Variants in EMCN observed in about 807,000 individuals in gnomAD.
EMCN encodes endomucin.
A neutral mutation model predicts 38.4 loss-of-function variants in EMCN; 37 were observed. The observed-to-expected ratio is 0.96, with a 90% confidence interval of 0.74 to 1.27. The LOEUF (loss-of-function observed/expected upper bound fraction) is 1.27. Ranked by LOEUF, EMCN falls within the 50% of genes most tolerant of loss-of-function variation. The pLI, the probability that EMCN is intolerant of heterozygous loss-of-function variation, is 0.00. For missense variants in EMCN, 318 were observed against 302.8 expected, an observed-to-expected ratio of 1.05 and a Z score of -0.37; for synonymous variants, 95 against 100.8, an observed-to-expected ratio of 0.94 and a Z score of 0.35.
chr4:100,435,408 C>T (rs938592967), intron 5 of EMCN, among the ~76,000 whole-genome samples: 10 of 152,166 alleles, frequency 6.6e-5, no homozygotes, highest in Non-Finnish European at 1.5e-4. Context: ...ATTCCATGCT[C>T]ATGGATAGGA....
intron 1 of EMCN, among the ~76,000 whole-genome samples, chr4:100,504,768 C>G (rs981635456): frequency 6.6e-6 from 1 of 152,212 alleles, no homozygotes; most frequent in African/African-American, 2.4e-5. Flanking sequence ...CGCTACTTAG[C>G]AGACTGAGAA....
chr4:100,495,683 G>T (rs1388684119), intron 1 of EMCN, among the ~76,000 whole-genome samples: 2 of 151,978 alleles, frequency 1.3e-5, no homozygotes, highest in African/African-American at 4.8e-5. Flanking sequence ...GAGATATGGT[G>T]CTTTGTATAA....
intron 5 of EMCN, among the ~76,000 whole-genome samples, chr4:100,438,368 A>G (rs1009338417): frequency 2.0e-5 from 3 of 152,086 alleles, no homozygotes; most frequent in Admixed American, 1.3e-4. Context: ...TTTTTATGGT[A>G]CCATAAATGA....
intron 1 of EMCN, among the ~76,000 whole-genome samples, chr4:100,490,405 C>T (rs979247120): frequency 6.6e-6 from 1 of 151,942 alleles, no homozygotes; most frequent in Non-Finnish European, 1.5e-5. Flanking sequence ...TGGTATAGCC[C>T]AAGTATACAG....
chr4:100,504,058 C>T (rs1053186547), intron 1 of EMCN, among the ~76,000 whole-genome samples: 20 of 152,080 alleles, frequency 1.3e-4, no homozygotes, highest in African/African-American at 3.4e-4. Context: ...TATTCCATGA[C>T]GTAAACAAAA....
At chr4:100,504,052 C>G (rs1049421381) in intron 1 of EMCN, among the ~76,000 whole-genome samples, 1 of 152,110 alleles carries the variant, frequency 6.6e-6, no homozygotes, top group Non-Finnish European at 1.5e-5. Flanking sequence ...TTTACCTATT[C>G]CATGACGTAA....
intron 4 of EMCN, among the ~76,000 whole-genome samples, chr4:100,451,303 G>A (rs1199882587): frequency 6.6e-6 from 1 of 151,816 alleles, no homozygotes; most frequent in Non-Finnish European, 1.5e-5. Context: ...CACTCATGAA[G>A]TTGTGGGAAA....
intron 9 of EMCN, 123 bp from the exon 10 acceptor site, chr4:100,416,082 A>G (rs991574070): frequency 1.5e-5 from 8 of 544,518 alleles, no homozygotes; most frequent in Non-Finnish European, 2.6e-5. Context: ...ATGTGTGTGT[A>G]TATATATACG....
intron 4 of EMCN, among the ~76,000 whole-genome samples, chr4:100,454,149 T>C (rs939013022): frequency 1.3e-5 from 2 of 150,286 alleles, no homozygotes; most frequent in Admixed American, 1.3e-4. Context: ...GTTGTGCACA[T>C]GTACCCTAAA....
At chr4:100,471,192 C>A (rs1384263487) in intron 3 of EMCN, among the ~76,000 whole-genome samples, 1 of 151,712 alleles carries the variant, frequency 6.6e-6, no homozygotes, top group Non-Finnish European at 1.5e-5. Context: ...AATTGAGACA[C>A]TTTTGGCTAT....
intron 4 of EMCN, among the ~76,000 whole-genome samples, chr4:100,448,729 C>T (rs1339869027): frequency 2.6e-5 from 4 of 152,260 alleles, no homozygotes; most frequent in Admixed American, 6.5e-5. Context: ...GACCCTGTTT[C>T]GTTGTACTCC....
chr4:100,476,445 G>A (rs955513653), intron 2 of EMCN, among the ~76,000 whole-genome samples: 5 of 152,034 alleles, frequency 3.3e-5, no homozygotes, highest in Middle Eastern at 3.4e-3. Context: ...CGCAGCACCC[G>A]GCCCCTCTTC....
At chr4:100,409,395 C>G (rs78838363) in intron 11 of EMCN, among the ~76,000 whole-genome samples, 4,065 of 152,184 alleles carry the variant, frequency 0.027, 192 homozygotes, top group African/African-American at 0.091. Context: ...CAATCCCATA[C>G]CAACTGGGAG....
In EMCN at chr4:100,398,209, GC is replaced by G. The variant is rs1726163459; in HGVS notation, c.*203del. On this transcript the variant is annotated 3_prime_UTR_variant, in exon 12 of 12. Transcript: ENST00000296420. Reference sequence around the variant, plus strand: ...TTTTTAAATGTGAGAGAACAGGAGAGCCCCGGGGTTCTTTTTGATTCCATCA... The same window carrying G: ...TTTTTAAATGTGAGAGAACAGGAGAGCCCGGGGTTCTTTTTGATTCCATCA... 6.6e-6 allele frequency: 1 copy of G among 152,090 alleles called. No homozygotes were observed. Among genetic ancestry groups the G allele is most frequent in the Admixed American group, 6.6e-5 (1 of 15,252 alleles). 9.4% of individuals were successfully genotyped at this position (152,090 alleles called of 1,614,324 possible). A position where few individuals can be genotyped will look rare whatever the true frequency, so the allele number is the denominator to read the frequency against.
chr4:100,409,406 A>T (rs1380842248), intron 11 of EMCN, among the ~76,000 whole-genome samples: 1 of 152,120 alleles, frequency 6.6e-6, no homozygotes, highest in Non-Finnish European at 1.5e-5. Flanking sequence ...CAACTGGGAG[A>T]CTTAATTCCA....
intron 10 of EMCN, among the ~76,000 whole-genome samples, chr4:100,412,552 A>G (rs758325494): frequency 9.9e-5 from 15 of 152,198 alleles, no homozygotes; most frequent in Non-Finnish European, 1.9e-4. Flanking sequence ...TGATATAAAT[A>G]AGAATCATGT....
intron 4 of EMCN, among the ~76,000 whole-genome samples, chr4:100,452,477 T>C (rs1406007719): frequency 1.3e-5 from 2 of 152,046 alleles, no homozygotes. Flanking sequence ...GAGTTCTATA[T>C]TGGAGTTCCG....
At chr4:100,475,302 TAC>T (rs59162117) in intron 2 of EMCN, among the ~76,000 whole-genome samples, 193 bp from the exon 3 acceptor site, 2,884 of 143,060 alleles carry the variant, frequency 0.02, 31 homozygotes, top group African/African-American at 0.027. Flanking sequence ...TTGGGTGGCC[TAC>T]ACACACACAC....
At chr4:100,497,721 G>C (rs1252214318) in intron 1 of EMCN, among the ~76,000 whole-genome samples, 4 of 152,026 alleles carry the variant, frequency 2.6e-5, no homozygotes, top group African/African-American at 4.8e-5. Flanking sequence ...CATTTTTAAG[G>C]TCTTGGATAA....
Sources: allele counts gnomAD v4.1 joint callset (sites outside exome capture counted in the v4.1 genomes callset), GRCh38; gene constraint gnomAD v4.1.1; transcripts MANE v1.5; gene names NCBI Gene and HGNC (gene_info 2026-07-23, HGNC 2026-07-21).